The following CTNNA3 variants were observed in gnomAD, a reference collection of about 807,000 sequenced individuals.
CTNNA3 encodes catenin alpha 3.
Under a neutral mutation model 95.7 loss-of-function variants are expected in CTNNA3, and 76 were observed. The observed-to-expected ratio is 0.79, with a 90% confidence interval of 0.66 to 0.96. The LOEUF (loss-of-function observed/expected upper bound fraction) is 0.96. CTNNA3 is among the 40% of genes least tolerant of loss of function. CTNNA3 has a pLI of 0.00. For synonymous variants in CTNNA3, 431 were observed against 374.4 expected (o/e 1.15, Z -1.74); for missense variants, 1,191 against 1,089.8 (o/e 1.09, Z -1.31).
chr10:66,885,988 T>C (rs1488942762), intron 7 of CTNNA3, among the ~76,000 whole-genome samples: 1 of 152,128 alleles, frequency 6.6e-6, no homozygotes, highest in Non-Finnish European at 1.5e-5. Context: ...TGTATAGAAA[T>C]GTCTATGTCA....
chr10:66,734,273 CA>C, intron 9 of CTNNA3, among the ~76,000 whole-genome samples: 1 of 151,846 alleles, frequency 6.6e-6, no homozygotes, highest in East Asian at 1.9e-4. Flanking sequence ...ATAATCTAAA[CA>C]ACACCTTTTA....
chr10:67,590,354 A>G (rs1220894239), intron 3 of CTNNA3, among the ~76,000 whole-genome samples: 1 of 152,132 alleles, frequency 6.6e-6, no homozygotes, highest in Non-Finnish European at 1.5e-5. Context: ...TCAAGTACCT[A>G]TCTTAAAAAA....
chr10:65,968,088 T>G (rs570859456), intron 16 of CTNNA3, among the ~76,000 whole-genome samples: 53 of 152,282 alleles, frequency 3.5e-4, no homozygotes, highest in African/African-American at 1.3e-3. Flanking sequence ...AAAAATTGTG[T>G]GTATTTAAAA....
chr10:66,603,433 T>G (rs1844004637), intron 10 of CTNNA3, among the ~76,000 whole-genome samples: 1 of 152,070 alleles, frequency 6.6e-6, no homozygotes, highest in Non-Finnish European at 1.5e-5. Flanking sequence ...TGAAATAAAT[T>G]GAAGAGGACA....
At chr10:67,104,047 T>C (rs1276023151) in intron 7 of CTNNA3, among the ~76,000 whole-genome samples, 1 of 151,838 alleles carries the variant, frequency 6.6e-6, no homozygotes, top group Admixed American at 6.6e-5. Flanking sequence ...AGCCCTTTTA[T>C]AAATTTACAG....
At chr10:66,852,254 C>T (rs921048681) in intron 7 of CTNNA3, among the ~76,000 whole-genome samples, 10 of 152,082 alleles carry the variant, frequency 6.6e-5, no homozygotes, top group Non-Finnish European at 1.5e-4. Context: ...AATTCAATGG[C>T]TGACATGGAT....
intron 13 of CTNNA3, among the ~76,000 whole-genome samples, chr10:66,256,932 C>A (rs2090809460): frequency 6.6e-6 from 1 of 152,106 alleles, no homozygotes; most frequent in African/African-American, 2.4e-5. Flanking sequence ...ACCCTGGAAG[C>A]CTGTCCTCAC....
chr10:66,581,291 A>C (rs577657103), intron 10 of CTNNA3, among the ~76,000 whole-genome samples: 2 of 151,706 alleles, frequency 1.3e-5, no homozygotes, highest in African/African-American at 4.8e-5. Flanking sequence ...CAAATGGTAG[A>C]TCTACTTTTA....
At chr10:66,541,875 G>A (rs118072064) in intron 10 of CTNNA3, among the ~76,000 whole-genome samples, 104 of 152,060 alleles carry the variant, frequency 6.8e-4, no homozygotes, top group Non-Finnish European at 1.1e-3. Flanking sequence ...TTTGCAATGC[G>A]TATTTAAAAC....
intron 5 of CTNNA3, among the ~76,000 whole-genome samples, chr10:67,422,128 A>C (rs1385580504): frequency 2.0e-5 from 3 of 152,174 alleles, no homozygotes; most frequent in Non-Finnish European, 4.4e-5. Context: ...ACAATGCATG[A>C]CCCTGGAATG....
chr10:66,169,201 C>T (rs1158380812), intron 13 of CTNNA3, among the ~76,000 whole-genome samples: 2 of 152,090 alleles, frequency 1.3e-5, no homozygotes, highest in Admixed American at 6.6e-5. Context: ...CCCCAAGTCC[C>T]CAAAGTCTAT....
intron 13 of CTNNA3, among the ~76,000 whole-genome samples, chr10:66,141,905 T>G (rs2083639046): frequency 6.6e-6 from 1 of 152,178 alleles, no homozygotes; most frequent in South Asian, 2.1e-4. Flanking sequence ...CCCAGGTTAT[T>G]AAAGATATAT....
At chr10:67,556,187 T>A (rs968544853) in intron 3 of CTNNA3, among the ~76,000 whole-genome samples, 2 of 152,214 alleles carry the variant, frequency 1.3e-5, no homozygotes, top group African/African-American at 4.8e-5. Context: ...TGCATCGATG[T>A]TCATCAGGGT....
chr10:66,074,142 G>T (rs955143263), intron 14 of CTNNA3, among the ~76,000 whole-genome samples: 1 of 151,748 alleles, frequency 6.6e-6, no homozygotes, highest in Non-Finnish European at 1.5e-5. Context: ...GCACTTAAGT[G>T]CTTGAAATGC....
intron 13 of CTNNA3, among the ~76,000 whole-genome samples, chr10:66,235,138 T>C (rs2089786787): frequency 1.3e-5 from 2 of 152,204 alleles, no homozygotes; most frequent in South Asian, 4.1e-4. Context: ...TCAGACAGGA[T>C]AAGCCAAATT....
Position 66,067,619 on chromosome 10 carries a change from T to C in CTNNA3, c.2159+1689A>G, listed in dbSNP as rs556168291. Reference sequence around the variant, plus strand: ...AAACTTTCAGAGGCCAAGGGTTTCCTTTATTCAAAAAAGTTTGGCCAGGTG... The same window carrying C: ...AAACTTTCAGAGGCCAAGGGTTTCCCTTATTCAAAAAAGTTTGGCCAGGTG... On this transcript the variant is annotated intron_variant, in intron 15 of 17. Coordinates refer to ENST00000433211, the MANE Select transcript of CTNNA3 (RefSeq NM_013266.4). Among the ~76,000 whole-genome samples the C allele has an allele frequency of 7.2e-5, 11 of 152,290 alleles. No individual in the cohort carries two copies. The East Asian group carries it at 1.7e-3, about 24-fold the overall frequency.
chr10:66,801,338 C>T (rs768142645), intron 7 of CTNNA3, among the ~76,000 whole-genome samples: 6 of 150,978 alleles, frequency 4.0e-5, no homozygotes, highest in Non-Finnish European at 7.4e-5. Context: ...AATAAGCAAA[C>T]GGATAATGGA....
Position 66,018,837 on chromosome 10 carries a change from T to C in CTNNA3, c.2160-30040A>G, listed in dbSNP as rs186237379. 5.2e-3 allele frequency among the ~76,000 whole-genome samples: 786 copies of C among 152,198 alleles called. 8 individuals carry two copies. Among genetic ancestry groups the C allele is most frequent in the African/African-American group, 0.017 (725 of 41,548 alleles). On this transcript the variant is annotated intron_variant, in intron 15 of 17. Transcript: ENST00000433211. ...CAATAAATGATTCCTCAGAATTACA[T>C]AGACTACATCTTTGAAGGAAAAAAA... is the stretch of plus-strand genomic sequence containing the variant.
intron 13 of CTNNA3, among the ~76,000 whole-genome samples, chr10:66,270,231 G>C (rs1309495303): frequency 4.6e-5 from 7 of 151,320 alleles, no homozygotes; most frequent in Admixed American, 6.6e-5. Context: ...TTTTGGGGGG[G>C]GGGGCAGGGT....
Sources: allele counts gnomAD v4.1 joint callset (sites outside exome capture counted in the v4.1 genomes callset), GRCh38; gene constraint gnomAD v4.1.1; transcripts MANE v1.5; gene names NCBI Gene and HGNC (gene_info 2026-07-23, HGNC 2026-07-21).